Variants in PPM1E observed in about 807,000 individuals in gnomAD.
PPM1E encodes the protein protein phosphatase 1E.
In PPM1E, 20 loss-of-function variants were observed where a neutral mutation model predicts 65.9. That is an observed-to-expected ratio of 0.30 (90% CI 0.21 to 0.44). PPM1E has a LOEUF of 0.44. Among genes scored for constraint, PPM1E ranks in the 20% least tolerant of loss-of-function variants. PPM1E has a pLI of 1.00. For missense variants in PPM1E, 713 were observed against 953.1 expected (o/e 0.75, Z 3.32); for synonymous variants, 352 against 374.9 (o/e 0.94, Z 0.70).
intron 1 of PPM1E, among the ~76,000 whole-genome samples, chr17:58,770,841 C>CTATTT (rs944462305): frequency 6.7e-6 from 1 of 149,970 alleles, no homozygotes; most frequent in Non-Finnish European, 1.5e-5. Flanking sequence ...AAGAAGCTTT[C>CTATTT]TATTTTACTG....
chr17:58,815,517 A>G (rs1050256516), intron 1 of PPM1E, among the ~76,000 whole-genome samples: 6 of 152,210 alleles, frequency 3.9e-5, no homozygotes, highest in Admixed American at 3.9e-4. Context: ...AGAGATACCT[A>G]GAAAGAGTGG....
intron 6 of PPM1E, among the ~76,000 whole-genome samples, chr17:58,973,580 T>C (rs1322697869): frequency 6.6e-6 from 1 of 151,798 alleles, no homozygotes; most frequent in African/African-American, 2.4e-5. Flanking sequence ...TTTGGGAGGC[T>C]GAAGAGGGTT....
At chr17:58,817,483 G>T (rs1434787848) in intron 1 of PPM1E, among the ~76,000 whole-genome samples, 2 of 152,030 alleles carry the variant, frequency 1.3e-5, no homozygotes, top group Non-Finnish European at 2.9e-5. Context: ...TCATTTGGGG[G>T]TAATAACATT....
At chr17:58,762,561 G>A (rs1006782704) in intron 1 of PPM1E, among the ~76,000 whole-genome samples, 8 of 152,036 alleles carry the variant, frequency 5.3e-5, no homozygotes, top group Admixed American at 1.3e-4. Context: ...GTTCTCTCAC[G>A]CTTACTACAT....
intron 1 of PPM1E, among the ~76,000 whole-genome samples, chr17:58,783,674 G>C (rs546237523): frequency 1.3e-5 from 2 of 152,220 alleles, no homozygotes; most frequent in South Asian, 2.1e-4. Context: ...GAATAAACAG[G>C]ATGCTTCGAG....
Position 58,981,097 on chromosome 17 carries a change from G to C in PPM1E, c.*66G>C. The C allele has an allele frequency of 8.7e-7, 1 of 1,155,286 alleles. No individual in the cohort carries two copies. Among genetic ancestry groups the C allele is most frequent in the Non-Finnish European group, 1.2e-6 (1 of 814,084 alleles). The allele number at this position is 1,155,286 out of a possible 1,614,324, so 71.6% of individuals were successfully genotyped here. On this transcript the variant is annotated 3_prime_UTR_variant, in exon 7 of 7. Coordinates refer to ENST00000308249, the MANE Select transcript of PPM1E (RefSeq NM_014906.5). ...AATACCACTATCAGAGTAGAAACAA[G>C]GTAGACATTTCTAAAACATATGTGC...
At chr17:58,779,462 C>T (rs141276870) in intron 1 of PPM1E, among the ~76,000 whole-genome samples, 2 of 152,228 alleles carry the variant, frequency 1.3e-5, no homozygotes, top group African/African-American at 2.4e-5. Flanking sequence ...CGTGAGCCAC[C>T]ATGCCCAGCC....
chr17:58,868,992 C>T (rs1197306798), intron 1 of PPM1E, among the ~76,000 whole-genome samples: 1 of 152,164 alleles, frequency 6.6e-6, no homozygotes, highest in Non-Finnish European at 1.5e-5. Context: ...CACAGCAAAA[C>T]CTTGTCTTTA....
chr17:58,955,639 T>C lies in PPM1E; in HGVS notation c.465-10T>C, dbSNP rs781662394. 1 of 1,613,068 alleles carries C rather than the reference T, an allele frequency of 6.2e-7. No individual in the cohort carries two copies. The highest frequency in any genetic ancestry group is 1.1e-5 in the South Asian group (1 of 90,628). ...TTGCTGAAAATGGCCTTTTATCTTT[T>C]TTCTTGCAGTAATTGCCCTTCCTTT... On this transcript the variant is annotated splice_polypyrimidine_tract_variant and intron_variant, in intron 1 of 6. Coordinates refer to ENST00000308249, the MANE Select transcript of PPM1E (RefSeq NM_014906.5).
chr17:58,770,585 G>A (rs1184931893), intron 1 of PPM1E, among the ~76,000 whole-genome samples: 1 of 151,966 alleles, frequency 6.6e-6, no homozygotes, highest in Non-Finnish European at 1.5e-5. Flanking sequence ...AAATAAAAGC[G>A]TTCTCTCAGA....
chr17:58,962,910 T>A (rs2030079208), intron 2 of PPM1E, among the ~76,000 whole-genome samples: 2 of 151,374 alleles, frequency 1.3e-5, no homozygotes, highest in African/African-American at 4.9e-5. Flanking sequence ...TGAGACCCCA[T>A]CTTAACAACA....
chr17:58,859,779 C>T (rs2050919310), intron 1 of PPM1E, among the ~76,000 whole-genome samples: 1 of 152,178 alleles, frequency 6.6e-6, no homozygotes, highest in South Asian at 2.1e-4. Flanking sequence ...TAACAGCTTC[C>T]ACCACCATGT....
At position 58,892,669 on chromosome 17, in the gene PPM1E, T is replaced by C. The variant is rs372105920; in HGVS notation, c.465-62980T>C. Among the ~76,000 whole-genome samples the C allele has an allele frequency of 8.5e-5, 13 of 152,242 alleles. No homozygotes were observed. The South Asian group carries it at 2.7e-3, about 32-fold the overall frequency. On this transcript the variant is annotated intron_variant, in intron 1 of 6. Transcript: ENST00000308249. ...GAAACTGAGAAGGCAAGCTACAGAC[T>C]GGGAGAAAATATTTGCAAAAGACAT...
intron 1 of PPM1E, among the ~76,000 whole-genome samples, chr17:58,925,972 T>C (rs1429706907): frequency 1.3e-5 from 2 of 152,192 alleles, no homozygotes; most frequent in Non-Finnish European, 2.9e-5. Flanking sequence ...TGTCCTAGTT[T>C]CTCTATACTG....
chr17:58,847,683 A>G (rs1353782314), intron 1 of PPM1E, among the ~76,000 whole-genome samples: 2 of 152,116 alleles, frequency 1.3e-5, no homozygotes, highest in African/African-American at 2.4e-5. Context: ...GCCTTGTAGT[A>G]TAGTTTGAAG....
At chr17:58,836,961 A>C (rs968441137) in intron 1 of PPM1E, among the ~76,000 whole-genome samples, 2 of 144,406 alleles carry the variant, frequency 1.4e-5, no homozygotes, top group Non-Finnish European at 3.0e-5. Context: ...CGGAGCTTGC[A>C]GTGAGCCGAG....
chr17:58,948,928 CAT>C (rs1369385374), intron 1 of PPM1E, among the ~76,000 whole-genome samples: 2 of 152,210 alleles, frequency 1.3e-5, no homozygotes, highest in African/African-American at 2.4e-5. Flanking sequence ...TGTGTCCTAA[CAT>C]GTAGTCAATT....
intron 1 of PPM1E, among the ~76,000 whole-genome samples, chr17:58,850,367 C>T (rs551740324): frequency 1.8e-4 from 27 of 152,216 alleles, no homozygotes; most frequent in Admixed American, 5.2e-4. Flanking sequence ...GTTTCTTCCT[C>T]GCATCGATGG....
chr17:58,908,550 C>T (rs1038373194), intron 1 of PPM1E, among the ~76,000 whole-genome samples: 1 of 152,080 alleles, frequency 6.6e-6, no homozygotes, highest in Non-Finnish European at 1.5e-5. Flanking sequence ...AGCAATTCTC[C>T]TGCCTCAGCC....
Sources: gnomAD v4.1 joint callset for allele counts (sites outside exome capture counted in the v4.1 genomes callset) on GRCh38, gnomAD v4.1.1 for gene constraint, MANE v1.5 for transcripts, NCBI Gene and HGNC (gene_info 2026-07-23, HGNC 2026-07-21) for gene names.